FRMD4B: variants seen among roughly 807,000 people sequenced by gnomAD.
The protein encoded by FRMD4B is FERM domain containing 4B.
A neutral mutation model predicts 141.5 loss-of-function variants in FRMD4B; 74 were observed. That is an observed-to-expected ratio of 0.52 (90% CI 0.43 to 0.63). The LOEUF (loss-of-function observed/expected upper bound fraction) is 0.63. Ranked by LOEUF, FRMD4B falls within the 30% of genes least tolerant of loss-of-function variation. FRMD4B has a pLI of 0.00. For synonymous variants in FRMD4B, 506 were observed against 467.9 expected (o/e 1.08, Z -1.05); for missense variants, 1,366 against 1,253.4 (o/e 1.09, Z -1.36).
rs564606450 is a variant in FRMD4B, at chr3:69,252,534, C to T, written c.502-2435G>A. Among the ~76,000 whole-genome samples, 6 of 152,330 alleles carry T rather than the reference C, an allele frequency of 3.9e-5. No homozygotes were observed. The South Asian group carries it at 6.2e-4, about 16-fold the overall frequency. On this transcript the variant is annotated intron_variant, in intron 5 of 22. Transcript: ENST00000398540. Reference sequence around the variant, plus strand: ...TGAACAATCACTGTTCTAGAAATCCCGGGCAACAAATTTTGAGTCCTAATA... The same window carrying T: ...TGAACAATCACTGTTCTAGAAATCCTGGGCAACAAATTTTGAGTCCTAATA...
At chr3:69,481,945 C>G (rs1706131766) in intron 1 of FRMD4B, among the ~76,000 whole-genome samples, 1 of 152,178 alleles carries the variant, frequency 6.6e-6, no homozygotes, top group South Asian at 2.1e-4. Context: ...TAGAGCCAAG[C>G]AGAAAATCCC....
intron 22 of FRMD4B, among the ~76,000 whole-genome samples, chr3:69,174,203 C>T (rs1397009079): frequency 6.6e-6 from 1 of 151,464 alleles, no homozygotes; most frequent in Admixed American, 6.6e-5. Context: ...CTAAAAGCCT[C>T]TCAAAAAAAA....
intron 1 of FRMD4B, among the ~76,000 whole-genome samples, chr3:69,454,197 C>T (rs933772817): frequency 2.0e-5 from 3 of 152,210 alleles, no homozygotes; most frequent in African/African-American, 7.2e-5. Flanking sequence ...CAAAGGAACT[C>T]CTGTCCCATG....
intron 19 of FRMD4B, among the ~76,000 whole-genome samples, chr3:69,183,440 C>T (rs2092729780): frequency 6.7e-6 from 1 of 150,318 alleles, no homozygotes; most frequent in Non-Finnish European, 1.5e-5. Context: ...ACTATGTCTA[C>T]TTCCCAGCAT....
chr3:69,521,646 G>C (rs1700857481), intron 1 of FRMD4B, among the ~76,000 whole-genome samples: 1 of 152,022 alleles, frequency 6.6e-6, no homozygotes, highest in Non-Finnish European at 1.5e-5. Flanking sequence ...ATTTAATCTT[G>C]CCTCACTACT....
intron 1 of FRMD4B, among the ~76,000 whole-genome samples, chr3:69,469,610 T>C: frequency 6.6e-6 from 1 of 152,178 alleles, no homozygotes; most frequent in East Asian, 1.9e-4. Flanking sequence ...AGTGGTTCAA[T>C]TATATTTTGC....
chr3:69,377,521 G>A (rs189148121), intron 1 of FRMD4B, among the ~76,000 whole-genome samples: 1 of 152,314 alleles, frequency 6.6e-6, no homozygotes, highest in African/African-American at 2.4e-5. Flanking sequence ...TTGATGTGTT[G>A]CCCAAACTTA....
chr3:69,493,588 T>C (rs945803993), intron 1 of FRMD4B, among the ~76,000 whole-genome samples: 9 of 152,224 alleles, frequency 5.9e-5, no homozygotes, highest in African/African-American at 2.2e-4. Context: ...CAAGTAGATC[T>C]CTCTGGTTCT....
chr3:69,341,220 A>G (rs1702728415), intron 1 of FRMD4B, among the ~76,000 whole-genome samples: 1 of 152,194 alleles, frequency 6.6e-6, no homozygotes, highest in Non-Finnish European at 1.5e-5. Flanking sequence ...GGGCACTTGG[A>G]GATGTACAGT....
chr3:69,420,675 G>A (rs989308181), intron 2 of FRMD4B, among the ~76,000 whole-genome samples: 1 of 152,194 alleles, frequency 6.6e-6, no homozygotes, highest in Admixed American at 6.5e-5. Context: ...TGAGAATGGA[G>A]AAATGCACAA....
chr3:69,464,783 C>T (rs1559535241), intron 1 of FRMD4B, among the ~76,000 whole-genome samples: 1 of 152,170 alleles, frequency 6.6e-6, no homozygotes, highest in Non-Finnish European at 1.5e-5. Flanking sequence ...GAACCTGAAT[C>T]TTAACAACTA....
rs552327404 is a variant in FRMD4B at position 69,364,849 on chromosome 3, C to T, written c.162+20979G>A. On this transcript the variant is annotated intron_variant, in intron 1 of 22. Coordinates refer to ENST00000398540, the MANE Select transcript of FRMD4B (RefSeq NM_015123.3). ...ATGGTGCAGCATTCTGTTCTCCTACCCCAAGCTTTCTCACTTGTTTTTTTA... is the reference window on the plus strand; with the variant it reads ...ATGGTGCAGCATTCTGTTCTCCTACTCCAAGCTTTCTCACTTGTTTTTTTA... Among the ~76,000 whole-genome samples the T allele has an allele frequency of 1.8e-3, 277 of 150,868 alleles. 2 individuals carry two copies. The highest frequency in any genetic ancestry group is 6.6e-3 in the African/African-American group (268 of 40,578).
chr3:69,188,032 C>A, intron 18 of FRMD4B, 115 bp from the exon 19 acceptor site: 1 of 653,878 alleles, frequency 1.5e-6, no homozygotes, highest in Non-Finnish European at 2.7e-6. Flanking sequence ...AAGTGTTCTT[C>A]CAAAGATGAT....
At chr3:69,267,636 TAGAGAGAGAGAGAGAGAGAGAGAGAG>T (rs55659743) in intron 5 of FRMD4B, among the ~76,000 whole-genome samples, 6 of 32,996 alleles carry the variant, frequency 1.8e-4, no homozygotes, top group South Asian at 2.1e-3. Flanking sequence ...TATATATATA[TAGAGAGAGAGAGAGAGAGAGAGAGAG>T]AGAGAGAGAG....
At chr3:69,473,566 A>G (rs982684419) in intron 1 of FRMD4B, among the ~76,000 whole-genome samples, 1 of 152,146 alleles carries the variant, frequency 6.6e-6, no homozygotes, top group East Asian at 1.9e-4. Flanking sequence ...CTCTCCAGCC[A>G]TATCAATCTC....
At chr3:69,231,584 G>T (rs548206551) in intron 7 of FRMD4B, among the ~76,000 whole-genome samples, 1 of 152,166 alleles carries the variant, frequency 6.6e-6, no homozygotes, top group Non-Finnish European at 1.5e-5. Context: ...CACTGTGCCC[G>T]GCCCAGCTGC....
At chr3:69,502,066 T>C (rs1003295974) in intron 1 of FRMD4B, among the ~76,000 whole-genome samples, 9 of 152,186 alleles carry the variant, frequency 5.9e-5, no homozygotes, top group African/African-American at 2.2e-4. Flanking sequence ...TTCATGCTCA[T>C]GGGTAGGAAG....
chr3:69,171,678 C>T lies in FRMD4B; in HGVS notation c.*183G>A. 1 of 605,180 alleles carries T rather than the reference C, an allele frequency of 1.7e-6. No homozygotes were observed. Among genetic ancestry groups the T allele is most frequent in the Non-Finnish European group, 2.9e-6 (1 of 344,948 alleles). The allele number at this position is 605,180 out of a possible 1,614,324, so 37.5% of individuals were successfully genotyped here. On this transcript the variant is annotated 3_prime_UTR_variant, in exon 23 of 23. Coordinates refer to ENST00000398540, the MANE Select transcript of FRMD4B (RefSeq NM_015123.3). ...CTAGAGTTTGAAAGGCCAAATCCTC[C>T]TTTAGGGGCTTTGTGGGGCTTGGTG...
intron 1 of FRMD4B, among the ~76,000 whole-genome samples, chr3:69,456,263 C>T (rs1461373157): frequency 6.6e-6 from 1 of 151,674 alleles, no homozygotes; most frequent in Non-Finnish European, 1.5e-5. Flanking sequence ...AGAAAAAAAA[C>T]GCCAACCGAG....
Sources: gnomAD v4.1 joint callset for allele counts (sites outside exome capture counted in the v4.1 genomes callset) on GRCh38, gnomAD v4.1.1 for gene constraint, MANE v1.5 for transcripts, NCBI Gene and HGNC (gene_info 2026-07-23, HGNC 2026-07-21) for gene names.